The following BTBD18 variants were observed in gnomAD, a reference collection of about 807,000 sequenced individuals.
The protein encoded by BTBD18 is BTB domain containing 18, also known as BTB/POZ domain-containing protein 18.
For missense variants in BTBD18, 787 were observed against 846.3 expected, an observed-to-expected ratio of 0.93 and a Z score of 0.87; for synonymous variants, 311 against 324.4, an observed-to-expected ratio of 0.96 and a Z score of 0.44.
Position 57,745,612 on chromosome 11 carries a change from T to A in BTBD18, c.661A>T (p.Asn221Tyr), listed in dbSNP as rs1949174650. ...TGACTATGGCTTGATGGTGAAGAGT[T>A]TTTTTCTTGTGGAGTTGGGCAGGCT... is the stretch of plus-strand genomic sequence containing the variant. The part of the protein sequence containing the change: ...ARACPTPQEK[N>Y]SSPSSHSQEP... Residue 221 changes from asparagine (N) to tyrosine (Y), a missense_variant, in exon 3 of 3, where the codon AAC becomes TAC. Coordinates refer to ENST00000422652, the MANE Select transcript of BTBD18 (RefSeq NM_001145101.3). 1 of 1,551,440 alleles carries A rather than the reference T, an allele frequency of 6.4e-7. No individual in the cohort carries two copies. Among genetic ancestry groups the A allele is most frequent in the Admixed American group, 2.0e-5 (1 of 50,966 alleles).
chr11:57,747,508 G>A (rs982284185), intron 2 of BTBD18, among the ~76,000 whole-genome samples: 1 of 151,166 alleles, frequency 6.6e-6, no homozygotes, highest in African/African-American at 2.4e-5. Flanking sequence ...AGGGTTTTTT[G>A]TTTTTGTTTT....
Position 57,744,477 on chromosome 11 carries a change from C to T in BTBD18, c.1796G>A (p.Ser599Asn). 1 of 1,551,636 alleles carries T rather than the reference C, an allele frequency of 6.4e-7. No individual in the cohort carries two copies. The highest frequency in any genetic ancestry group is 1.2e-5 in the South Asian group (1 of 84,062). ...GRWTPDLEIT[S>N]SQPLDGQEDK... ...TTCCTGACCATCCAGTGGCTGGGAG[C>T]TGGTAATTTCAAGGTCTGGTGTCCA... Residue 599 changes from serine to asparagine, a missense_variant, in exon 3 of 3, where the codon AGC (serine) becomes AAC (asparagine). Physicochemically the swap from Ser to Asn is conservative, Grantham distance 46. Transcript: ENST00000422652.
At chr11:57,749,060 C>T (rs1252724164) in intron 2 of BTBD18, among the ~76,000 whole-genome samples, 6 of 152,194 alleles carry the variant, frequency 3.9e-5, no homozygotes, top group Non-Finnish European at 8.8e-5. Context: ...CAGATCTCAC[C>T]TAAGGGGTTA....
At chr11:57,750,861 T>C (rs188292949) in intron 2 of BTBD18, among the ~76,000 whole-genome samples, 67 of 152,358 alleles carry the variant, frequency 4.4e-4, no homozygotes, top group Middle Eastern at 3.4e-3. Context: ...ATTAGATTCA[T>C]TATTTAAGAG....
Position 57,743,855 on chromosome 11 carries a change from T to C in BTBD18, c.*279A>G, listed in dbSNP as rs377220984. The C allele has an allele frequency of 2.5e-4, 81 of 329,770 alleles. No individual in the cohort carries two copies. The East Asian group carries it at 2.6e-3, about 10-fold the overall frequency. 20.4% of individuals were successfully genotyped at this position (329,770 alleles called of 1,614,324 possible). A position where few individuals can be genotyped will look rare whatever the true frequency, so the allele number is the denominator to read the frequency against. Reference sequence around the variant, plus strand: ...GAGATCTGGCCTTGGCTGTTACCTATGACCCACCAGAATTGGGGAGCACAC... The same window carrying C: ...GAGATCTGGCCTTGGCTGTTACCTACGACCCACCAGAATTGGGGAGCACAC... On this transcript the variant is annotated 3_prime_UTR_variant, in exon 3 of 3. Coordinates refer to ENST00000422652, the MANE Select transcript of BTBD18 (RefSeq NM_001145101.3).
At chr11:57,752,720 C>A (rs1257799897), upstream of BTBD18, among the ~76,000 whole-genome samples, 1 of 152,150 alleles carries the variant, frequency 6.6e-6, no homozygotes, top group African/African-American at 2.4e-5. Context: ...TGCCTTGCTT[C>A]CTCTCAATGT....
At position 57,744,690 on chromosome 11, in the gene BTBD18, T is replaced by C; in HGVS notation, c.1583A>G (p.His528Arg). Residue 528 changes from histidine (H) to arginine (R), a missense_variant, in exon 3 of 3, where the codon CAT (histidine) becomes CGT (arginine). His to Arg is a conservative substitution (Grantham distance 29). Coordinates refer to ENST00000422652, the MANE Select transcript of BTBD18 (RefSeq NM_001145101.3). Reference protein sequence around the residue: ...GAEGCRTPTYHLTETGKNWIE... With the variant: ...GAEGCRTPTYRLTETGKNWIE... ...CCAGTTCTTTCCTGTTTCTGTCAGA[T>C]GGTAGGTAGGCGTTCTGCAGCCCTC... 1.3e-6 allele frequency: 2 copies of C among 1,551,724 alleles called. No individual in the cohort carries two copies. Among genetic ancestry groups the C allele is most frequent in the South Asian group, 2.4e-5 (2 of 84,068 alleles).
In BTBD18 at chr11:57,751,056, C is replaced by T. The variant is rs1020430470; in HGVS notation, c.124+9G>A. 9.8e-6 allele frequency: 15 copies of T among 1,524,108 alleles called. No individual in the cohort carries two copies. The highest frequency in any genetic ancestry group is 1.3e-5 in the South Asian group (1 of 79,108). The allele number at this position is 1,524,108 out of a possible 1,614,324, so 94.4% of individuals were successfully genotyped here. On this transcript the variant is annotated intron_variant, in intron 2 of 2. Transcript: ENST00000422652. ...TGAGTTTTCAGTTGAATTCCGACCA[C>T]TCTCTTACCTTCTGCCTGCAGAAGG...
At chr11:57,750,433 C>T (rs1949283906) in intron 2 of BTBD18, among the ~76,000 whole-genome samples, 1 of 152,196 alleles carries the variant, frequency 6.6e-6, no homozygotes, top group East Asian at 1.9e-4. Context: ...TGGTGGCTCA[C>T]GCCTATAATC....
chr11:57,748,006 T>C (rs989601538), intron 2 of BTBD18, among the ~76,000 whole-genome samples: 3 of 152,208 alleles, frequency 2.0e-5, no homozygotes, highest in African/African-American at 7.2e-5. Flanking sequence ...TTTACCATAT[T>C]GCCTAGGCTG....
intron 2 of BTBD18, among the ~76,000 whole-genome samples, chr11:57,748,101 T>C (rs1949231835): frequency 6.6e-6 from 1 of 152,092 alleles, no homozygotes; most frequent in Admixed American, 6.5e-5. Flanking sequence ...TGTTTTTATT[T>C]TTTAGAGACA....
Position 57,743,538 on chromosome 11 carries a change from A to AT in BTBD18, c.*595dup, listed in dbSNP as rs1334032339. 1 of 152,198 alleles carries AT rather than the reference A, an allele frequency of 6.6e-6. No individual in the cohort carries two copies. The highest frequency in any genetic ancestry group is 2.4e-5 in the African/African-American group (1 of 41,456). The allele number at this position is 152,198 out of a possible 1,614,324, so 9.4% of individuals were successfully genotyped here. ...ATTATGGGAGCAAAGTAAATAATTT[A>AT]TTTTTTAAAAAAGCAACTGTATCTT... On this transcript the variant is annotated 3_prime_UTR_variant, in exon 3 of 3. Coordinates refer to ENST00000422652, the MANE Select transcript of BTBD18 (RefSeq NM_001145101.3).
chr11:57,750,051 A>G (rs1021679351), intron 2 of BTBD18, among the ~76,000 whole-genome samples: 3 of 152,200 alleles, frequency 2.0e-5, no homozygotes, highest in Admixed American at 2.0e-4. Context: ...AGTTCTAGCA[A>G]CAAACAACAA....
Position 57,746,087 on chromosome 11 carries a change from G to T in BTBD18, c.186C>A (p.Arg62=). 1 of 1,551,566 alleles carries T rather than the reference G, an allele frequency of 6.4e-7. No individual in the cohort carries two copies. The highest frequency in any genetic ancestry group is 8.7e-7 in the Non-Finnish European group (1 of 1,146,956). ...LSACSPFFTE[R]LERERPAQGG... is the part of the protein sequence containing the mutation. ...CCTGAGCTGGCCTCTCCCGCTCCAG[G>T]CGCTCTGTGAAGAAGGGGCTACAAG... Residue 62 remains arginine (R), a synonymous_variant, in exon 3 of 3, where the codon CGC becomes CGA. Transcript: ENST00000422652.
At position 57,744,011 on chromosome 11, in the gene BTBD18, CA is replaced by C. The variant is rs1949142447; in HGVS notation, c.*122del. The stretch of plus-strand genomic sequence containing the variant: ...CTTAGGGAAGGGAGGAAGGGACCTA[CA>C]AAGAGCCAGGGTACACCTGCCTCTT... On this transcript the variant is annotated 3_prime_UTR_variant, in exon 3 of 3. Coordinates refer to ENST00000422652, the MANE Select transcript of BTBD18 (RefSeq NM_001145101.3). 1 of 682,642 alleles carries C rather than the reference CA, an allele frequency of 1.5e-6. No individual in the cohort carries two copies. The highest frequency in any genetic ancestry group is 3.0e-5 in the Admixed American group (1 of 33,408). The allele number at this position is 682,642 out of a possible 1,614,324, so 42.3% of individuals were successfully genotyped here.
chr11:57,747,597 C>T (rs1390939656), intron 2 of BTBD18, among the ~76,000 whole-genome samples: 1 of 152,154 alleles, frequency 6.6e-6, no homozygotes, highest in Non-Finnish European at 1.5e-5. Flanking sequence ...TTACTGCAAC[C>T]TCCGCCTCCT....
chr11:57,751,925 C>T (rs193165642), upstream of BTBD18: 463 of 152,348 alleles, frequency 3.0e-3, 4 homozygotes, highest in African/African-American at 0.011. Flanking sequence ...AGGACGTTGC[C>T]ACCCTTGGCT....
intron 2 of BTBD18, among the ~76,000 whole-genome samples, chr11:57,749,096 G>C (rs1949247544): frequency 6.6e-6 from 1 of 152,226 alleles, no homozygotes; most frequent in South Asian, 2.1e-4. Context: ...CCTAACCCTT[G>C]TCTCCCAGTC....
rs1949135317 is a variant in BTBD18, at chr11:57,743,562, T to C, written c.*572A>G. On this transcript the variant is annotated 3_prime_UTR_variant, in exon 3 of 3. Coordinates refer to ENST00000422652, the MANE Select transcript of BTBD18 (RefSeq NM_001145101.3). ...TATTTTTTAAAAAAGCAACTGTATC[T>C]TTTTCAACTTACTTTTTGGAAGTAA... 1 of 152,268 alleles carries C rather than the reference T, an allele frequency of 6.6e-6. No homozygotes were observed. The highest frequency in any genetic ancestry group is 2.4e-5 in the African/African-American group (1 of 41,462). The allele number at this position is 152,268 out of a possible 1,614,324, so 9.4% of individuals were successfully genotyped here.
Sources: allele counts gnomAD v4.1 joint callset (sites outside exome capture counted in the v4.1 genomes callset), GRCh38; gene constraint gnomAD v4.1.1; transcripts MANE v1.5; gene names NCBI Gene and HGNC (gene_info 2026-07-23, HGNC 2026-07-21).